The following CORIN variants were observed in gnomAD, a reference collection of about 807,000 sequenced individuals.
CORIN encodes atrial natriuretic peptide-converting enzyme.
Under a neutral mutation model 125.3 loss-of-function variants are expected in CORIN, and 117 were observed. The ratio of observed to expected loss-of-function variants is 0.93; its 90% CI spans 0.80 to 1.09. The LOEUF (loss-of-function observed/expected upper bound fraction) is 1.09, where lower values mean the gene tolerates loss of function less well. CORIN is among the 50% of genes least tolerant of loss of function. CORIN has a pLI of 0.00. For synonymous variants in CORIN, 450 were observed against 466.4 expected (o/e 0.96, Z 0.45); for missense variants, 1,253 against 1,306.7 (o/e 0.96, Z 0.63).
At chr4:47,804,733 G>GGGAGA (rs1731693160) in intron 2 of CORIN, among the ~76,000 whole-genome samples, 1 of 106,022 alleles carries the variant, frequency 9.4e-6, no homozygotes, top group African/African-American at 3.6e-5. Flanking sequence ...GTGGGGGGTG[G>GGGAGA]GGAGGGGGGG....
chr4:47,837,909 C>G lies in CORIN; in HGVS notation c.41G>C (p.Arg14Pro), dbSNP rs771157011. Reference protein sequence around the residue: ...SPALAPEERCRRAGSPKPVLR... With the variant: ...SPALAPEERCPRAGSPKPVLR... ...TACCGGCTTTGGGGACCCGGCTCTG[C>G]GGCAGCGCTCTTCCGGAGCGAGGGC... The change falls in exon 1 of 22, where the codon CGC becomes CCC. Residue 14 changes from arginine to proline, a missense_variant. Physicochemically the swap from Arg to Pro is moderately radical, Grantham distance 103. Coordinates refer to ENST00000273857, the MANE Select transcript of CORIN (RefSeq NM_006587.4). 1.2e-6 allele frequency: 2 copies of G among 1,613,604 alleles called. No individual in the cohort carries two copies. Among genetic ancestry groups the G allele is most frequent in the East Asian group, 2.2e-5 (1 of 44,886 alleles).
chr4:47,708,242 C>T (rs967011159), intron 5 of CORIN, among the ~76,000 whole-genome samples: 5 of 152,190 alleles, frequency 3.3e-5, no homozygotes, highest in Non-Finnish European at 7.3e-5. Context: ...AGGGGTCTCA[C>T]TGGGATAAAA....
chr4:47,759,796 C>T (rs1729360654), intron 4 of CORIN, among the ~76,000 whole-genome samples: 1 of 152,214 alleles, frequency 6.6e-6, no homozygotes. Context: ...CATAAAAAAG[C>T]TACTCCTCAT....
At chr4:47,627,065 C>T (rs1722606070) in intron 16 of CORIN, among the ~76,000 whole-genome samples, 4 of 151,902 alleles carry the variant, frequency 2.6e-5, no homozygotes, top group South Asian at 4.1e-4. Context: ...CTCACTGCAA[C>T]GTCTGCCTCA....
At chr4:47,618,954 G>A (rs1333607712) in intron 19 of CORIN, among the ~76,000 whole-genome samples, 1 of 152,178 alleles carries the variant, frequency 6.6e-6, no homozygotes, top group Non-Finnish European at 1.5e-5. Context: ...TCAAGACATG[G>A]GTGACATGGC....
chr4:47,628,977 G>A (rs1055853907), intron 16 of CORIN, among the ~76,000 whole-genome samples: 2 of 152,020 alleles, frequency 1.3e-5, no homozygotes, highest in African/African-American at 4.8e-5. Context: ...CATATCTTGG[G>A]TATTATGAAG....
chr4:47,836,600 G>C (rs753238041), intron 1 of CORIN, among the ~76,000 whole-genome samples: 3 of 152,178 alleles, frequency 2.0e-5, no homozygotes, highest in African/African-American at 4.8e-5. Flanking sequence ...TCTTCGCAGC[G>C]CATCGTTCTC....
rs777259366 is a variant in CORIN, at chr4:47,626,397, A to G, written c.2315+8T>C. The G allele has an allele frequency of 6.7e-7, 1 of 1,494,416 alleles. No homozygotes were observed. The highest frequency in any genetic ancestry group is 1.1e-5 in the South Asian group (1 of 88,658). The allele number at this position is 1,494,416 out of a possible 1,614,324, so 92.6% of individuals were successfully genotyped here. The stretch of plus-strand genomic sequence containing the variant: ...GACTCTACACAGCTCTTATGAATGC[A>G]TTCTTACCCATTTACTAGAAGTTCA... On this transcript the variant is annotated splice_region_variant and intron_variant, in intron 17 of 21. Transcript: ENST00000273857.
chr4:47,625,238 A>G (rs1156252507), intron 17 of CORIN, among the ~76,000 whole-genome samples: 1 of 152,158 alleles, frequency 6.6e-6, no homozygotes, highest in African/African-American at 2.4e-5. Flanking sequence ...TGAACTTGGC[A>G]TTAAAGAAAT....
intron 4 of CORIN, among the ~76,000 whole-genome samples, chr4:47,750,657 G>A (rs561981368): frequency 6.6e-6 from 1 of 152,298 alleles, no homozygotes; most frequent in Admixed American, 6.5e-5. Context: ...AGGGGTCGTG[G>A]CCTCTTACAG....
rs751980347 is a variant in CORIN, at chr4:47,643,289, C to A, written c.1958-33G>T. 5.8e-6 allele frequency: 9 copies of A among 1,558,546 alleles called. No homozygotes were observed. The East Asian group carries it at 2.0e-4, about 35-fold the overall frequency. ...GGGGAACAAAAAGTGAGAAGGAAAA[C>A]ATTTTAGAAATAAATGTGATTATCA... On this transcript the variant is annotated intron_variant, in intron 14 of 21. Coordinates refer to ENST00000273857, the MANE Select transcript of CORIN (RefSeq NM_006587.4).
chr4:47,632,760 T>C (rs1722879918), intron 16 of CORIN, among the ~76,000 whole-genome samples: 1 of 135,576 alleles, frequency 7.4e-6, no homozygotes, highest in Non-Finnish European at 1.6e-5. Flanking sequence ...GATAGATAGA[T>C]AGATAGAGAT....
chr4:47,679,370 T>C (rs945718700), intron 8 of CORIN, among the ~76,000 whole-genome samples: 10 of 149,180 alleles, frequency 6.7e-5, no homozygotes, highest in Non-Finnish European at 1.2e-4. Flanking sequence ...GTTCTCTCTT[T>C]TTTTTTTTTT....
At chr4:47,789,985 G>A (rs539608149) in intron 2 of CORIN, among the ~76,000 whole-genome samples, 43 of 152,304 alleles carry the variant, frequency 2.8e-4, no homozygotes, top group African/African-American at 9.9e-4. Flanking sequence ...TCGCGCCACT[G>A]CACTCCAGCC....
chr4:47,695,536 T>C (rs1725953887), intron 5 of CORIN, among the ~76,000 whole-genome samples: 1 of 152,230 alleles, frequency 6.6e-6, no homozygotes, highest in Non-Finnish European at 1.5e-5. Flanking sequence ...CAGCTTGCAT[T>C]GTTTTGATTA....
At chr4:47,807,342 T>A (rs887118221) in intron 1 of CORIN, among the ~76,000 whole-genome samples, 2 of 152,230 alleles carry the variant, frequency 1.3e-5, no homozygotes, top group Non-Finnish European at 2.9e-5. Context: ...TTGGTATGAT[T>A]CCAAAGGGCT....
chr4:47,830,643 T>C (rs17463534), intron 1 of CORIN, among the ~76,000 whole-genome samples: 49,757 of 152,140 alleles, frequency 0.33, 9,815 homozygotes, highest in Non-Finnish European at 0.44. Flanking sequence ...CCTGTATAGT[T>C]GAATTCTCAT....
chr4:47,628,721 T>C (rs1577755548), intron 16 of CORIN, among the ~76,000 whole-genome samples: 1 of 152,318 alleles, frequency 6.6e-6, no homozygotes, highest in Non-Finnish European at 1.5e-5. Context: ...AGTGTTTGTC[T>C]TTCTGTGCTT....
Position 47,603,260 on chromosome 4 carries a change from C to A in CORIN, c.2812+137G>T, listed in dbSNP as rs569899509. ...AGAAGGACATGTTTGCTTCCCCTTC[C>A]GCCATGATTGTAGGTTTCCTGAGGC... On this transcript the variant is annotated intron_variant, in intron 20 of 21. Transcript: ENST00000273857. The A allele has an allele frequency of 4.9e-6, 4 of 822,426 alleles. No homozygotes were observed. In the South Asian group the frequency reaches 6.9e-5, roughly 14 times the overall value. 50.9% of individuals were successfully genotyped at this position (822,426 alleles called of 1,614,324 possible). A position where few individuals can be genotyped will look rare whatever the true frequency, so the allele number is the denominator to read the frequency against.
Sources: gnomAD v4.1 joint callset for allele counts (sites outside exome capture counted in the v4.1 genomes callset) on GRCh38, gnomAD v4.1.1 for gene constraint, MANE v1.5 for transcripts, NCBI Gene and HGNC (gene_info 2026-07-23, HGNC 2026-07-21) for gene names.